Variants in RAD51B observed in about 807,000 individuals in gnomAD.
RAD51B encodes the protein DNA repair protein RAD51 homolog 2.
Under a neutral mutation model 42.2 loss-of-function variants are expected in RAD51B, and 38 were observed. That is an observed-to-expected ratio of 0.90 (90% CI 0.70 to 1.18). RAD51B has a LOEUF of 1.18. Among genes scored for constraint, RAD51B ranks in the 50% most tolerant of loss-of-function variants. The pLI is 0.00. For synonymous variants in RAD51B, 154 were observed against 145.2 expected (o/e 1.06, Z -0.43); for missense variants, 373 against 400.7 (o/e 0.93, Z 0.59).
At chr14:68,090,651 G>C (rs1055519448) in intron 7 of RAD51B, among the ~76,000 whole-genome samples, 1 of 150,982 alleles carries the variant, frequency 6.6e-6, no homozygotes, top group African/African-American at 2.4e-5. Context: ...TTTAAAAAAT[G>C]TTCATAGTCT....
At chr14:68,337,679 G>A (rs376693731) in intron 8 of RAD51B, among the ~76,000 whole-genome samples, 4 of 152,220 alleles carry the variant, frequency 2.6e-5, no homozygotes, top group East Asian at 3.9e-4. Context: ...ACAGAGCAGG[G>A]GTATTTGAGT....
Position 68,306,127 on chromosome 14 carries a change from T to C in RAD51B, c.853+14147T>C, listed in dbSNP as rs567038821. Among the ~76,000 whole-genome samples, 12 of 152,330 alleles carry C rather than the reference T, an allele frequency of 7.9e-5. No individual in the cohort carries two copies. In the South Asian group the frequency reaches 1.2e-3, roughly 16 times the overall value. On this transcript the variant is annotated intron_variant, in intron 8 of 10. Coordinates refer to ENST00000471583, the MANE Select transcript of RAD51B (RefSeq NM_133510.4). ...GAGAAAACTGTTAACCTTGAAAGTT[T>C]AGTTATTCATCATCAAATATATTAA...
intron 7 of RAD51B, among the ~76,000 whole-genome samples, chr14:68,290,003 C>A (rs182044063): frequency 6.6e-6 from 1 of 152,314 alleles, no homozygotes; most frequent in East Asian, 1.9e-4. Context: ...TCGAGTAATT[C>A]ATTTCTTTAC....
intron 10 of RAD51B, among the ~76,000 whole-genome samples, chr14:68,625,460 G>A (rs573989204): frequency 2.0e-5 from 3 of 152,080 alleles, no homozygotes; most frequent in South Asian, 2.1e-4. Context: ...CACTGGGCTC[G>A]CCAGGCTTTC....
At chr14:67,894,725 G>GTCTC (rs2043350561) in intron 7 of RAD51B, among the ~76,000 whole-genome samples, 1 of 152,182 alleles carries the variant, frequency 6.6e-6, no homozygotes, top group South Asian at 2.1e-4. Context: ...GACCTTCATA[G>GTCTC]TCTCTCGGGT....
intron 7 of RAD51B, among the ~76,000 whole-genome samples, chr14:67,927,780 T>C (rs1001256784): frequency 5.3e-5 from 8 of 151,740 alleles, no homozygotes; most frequent in African/African-American, 1.9e-4. Context: ...TATATACACA[T>C]ATATAATGTG....
At chr14:68,670,459 T>C (rs1893133012) in intron 11 of RAD51B, among the ~76,000 whole-genome samples, 1 of 152,204 alleles carries the variant, frequency 6.6e-6, no homozygotes, top group Non-Finnish European at 1.5e-5. Context: ...TGCTTCTTGG[T>C]CTCATGAATC....
intron 8 of RAD51B, among the ~76,000 whole-genome samples, chr14:68,407,255 G>C (rs932300369): frequency 2.0e-5 from 3 of 152,036 alleles, no homozygotes; most frequent in Admixed American, 6.6e-5. Context: ...TAAAAGTGTA[G>C]TAACTACATA....
intron 5 of RAD51B, among the ~76,000 whole-genome samples, chr14:67,885,548 CAT>C (rs2043036621): frequency 6.6e-6 from 1 of 152,146 alleles, no homozygotes; most frequent in Non-Finnish European, 1.5e-5. Flanking sequence ...ATTTAGTAAA[CAT>C]ATCTTATAGC....
At chr14:68,571,047 G>T (rs1046890297) in intron 10 of RAD51B, among the ~76,000 whole-genome samples, 11 of 152,298 alleles carry the variant, frequency 7.2e-5, no homozygotes, top group Middle Eastern at 3.4e-3. Context: ...AGCCTGACAT[G>T]TAAGATCTAA....
At chr14:68,159,906 T>C (rs2078601236) in intron 7 of RAD51B, among the ~76,000 whole-genome samples, 1 of 152,214 alleles carries the variant, frequency 6.6e-6, no homozygotes, top group Admixed American at 6.5e-5. Context: ...GGGCTTGTCA[T>C]TGGGTAGCCA....
In RAD51B at chr14:67,947,514, C is replaced by T. The variant is rs548529517; in HGVS notation, c.756+60310C>T. 3.3e-5 allele frequency among the ~76,000 whole-genome samples: 5 copies of T among 152,262 alleles called. No individual in the cohort carries two copies. The South Asian group carries it at 1.0e-3, about 32-fold the overall frequency. On this transcript the variant is annotated intron_variant, in intron 7 of 10. Coordinates refer to ENST00000471583, the MANE Select transcript of RAD51B (RefSeq NM_133510.4). ...AGGCATTTCATTAAATATTTGTTGT[C>T]ATCTGTCTATGTTTTCTTCTTTGTC...
At chr14:68,124,248 T>C (rs2077710146) in intron 7 of RAD51B, among the ~76,000 whole-genome samples, 4 of 152,206 alleles carry the variant, frequency 2.6e-5, no homozygotes, top group Admixed American at 2.6e-4. Context: ...CTATTTTCCA[T>C]TCCTACCACA....
At chr14:68,626,741 C>A (rs1892092009) in intron 10 of RAD51B, among the ~76,000 whole-genome samples, 1 of 152,134 alleles carries the variant, frequency 6.6e-6, no homozygotes, top group South Asian at 2.1e-4. Context: ...TACAACCAAG[C>A]CTTGGAAGTT....
chr14:68,522,179 C>T (rs1193975629), intron 10 of RAD51B, among the ~76,000 whole-genome samples: 1 of 152,148 alleles, frequency 6.6e-6, no homozygotes, highest in South Asian at 2.1e-4. Flanking sequence ...AAAGCAAATC[C>T]GTGTTCTGGT....
At chr14:68,018,293 AT>A (rs1425088607) in intron 7 of RAD51B, among the ~76,000 whole-genome samples, 3 of 152,196 alleles carry the variant, frequency 2.0e-5, no homozygotes, top group Admixed American at 2.0e-4. Context: ...TCAATAGACA[AT>A]TTAGACAAGC....
chr14:67,977,690 T>C (rs1440856403), intron 7 of RAD51B, among the ~76,000 whole-genome samples: 1 of 152,246 alleles, frequency 6.6e-6, no homozygotes, highest in Admixed American at 6.5e-5. Context: ...CTTCTTCTTG[T>C]TATTCACCAA....
chr14:68,470,768 G>T (rs1055595819), intron 10 of RAD51B: 1 of 421,342 alleles, frequency 2.4e-6, no homozygotes, highest in Non-Finnish European at 4.5e-6. Context: ...TGTGGGGGCT[G>T]CAGCATAAAA....
chr14:67,923,362 C>T (rs1257784134), intron 7 of RAD51B, among the ~76,000 whole-genome samples: 5 of 142,002 alleles, frequency 3.5e-5, no homozygotes, highest in African/African-American at 1.1e-4. Flanking sequence ...TGCAATGGTG[C>T]GATCTCGGCT....
Sources: allele counts gnomAD v4.1 joint callset (sites outside exome capture counted in the v4.1 genomes callset), GRCh38; gene constraint gnomAD v4.1.1; transcripts MANE v1.5; gene names NCBI Gene and HGNC (gene_info 2026-07-23, HGNC 2026-07-21).